The following DMRT1 variants were observed in gnomAD, a reference collection of about 807,000 sequenced individuals.
DMRT1 encodes doublesex- and mab-3-related transcription factor 1.
Under a neutral mutation model 32.3 loss-of-function variants are expected in DMRT1, and 7 were observed. The ratio of observed to expected loss-of-function variants is 0.22; its 90% confidence interval spans 0.12 to 0.41. DMRT1 has a LOEUF of 0.41. DMRT1 is among the 10% of genes least tolerant of loss of function. The probability of loss-of-function intolerance (pLI) is 1.00; values close to 1 mark genes in which losing one functional copy is unlikely to be tolerated. For missense variants in DMRT1, 625 were observed against 500.5 expected, an observed-to-expected ratio of 1.25 and a Z score of -2.37; for synonymous variants, 278 against 206.1, an observed-to-expected ratio of 1.35 and a Z score of -2.99.
intron 3 of DMRT1, among the ~76,000 whole-genome samples, chr9:902,089 T>C (rs1817604523): frequency 6.6e-6 from 1 of 151,490 alleles, no homozygotes; most frequent in African/African-American, 2.4e-5. Context: ...TTTGTATTTT[T>C]AGTCGAGATG....
intron 2 of DMRT1, among the ~76,000 whole-genome samples, chr9:852,549 C>G (rs531317322): frequency 6.6e-6 from 1 of 152,146 alleles, no homozygotes; most frequent in African/African-American, 2.4e-5. Context: ...TGACACAGTA[C>G]TTAATGCAAA....
chr9:849,829 CTTTTT>C (rs200326522), intron 2 of DMRT1, among the ~76,000 whole-genome samples: 1 of 142,088 alleles, frequency 7.0e-6, no homozygotes, highest in Non-Finnish European at 1.6e-5. Flanking sequence ...CTCTCTCTCT[CTTTTT>C]TTTTTTGAGA....
intron 2 of DMRT1, among the ~76,000 whole-genome samples, chr9:851,755 A>C (rs1001030967): frequency 6.6e-6 from 1 of 152,198 alleles, no homozygotes; most frequent in Non-Finnish European, 1.5e-5. Context: ...TAAAATCTTT[A>C]GCCAAAGATT....
rs1413279547 is a variant in DMRT1, at chr9:887,446, T to C, written c.539-6466T>C. On this transcript the variant is annotated intron_variant, in intron 2 of 4. Transcript: ENST00000382276. Reference sequence around the variant, plus strand: ...ACTCCCTTGCTCTGAAAACCTTCATTGGTTCCCTAGAGGAGAACTTGTTGG... The same window carrying C: ...ACTCCCTTGCTCTGAAAACCTTCATCGGTTCCCTAGAGGAGAACTTGTTGG... Among the ~76,000 whole-genome samples the C allele has an allele frequency of 2.6e-5, 4 of 152,198 alleles. No homozygotes were observed. The East Asian group carries it at 7.7e-4, about 29-fold the overall frequency.
At chr9:843,500 A>G (rs1417466799) in intron 1 of DMRT1, among the ~76,000 whole-genome samples, 1 of 152,214 alleles carries the variant, frequency 6.6e-6, no homozygotes, top group Non-Finnish European at 1.5e-5. Flanking sequence ...GCGCAGGTGG[A>G]AAAAAGCGCG....
chr9:878,193 A>G (rs1459065173), intron 2 of DMRT1, among the ~76,000 whole-genome samples: 2 of 106,156 alleles, frequency 1.9e-5, no homozygotes, highest in African/African-American at 8.2e-5. Context: ...CTGGAACTGC[A>G]GCTGCTGCCC....
chr9:874,195 C>G (rs920523305), intron 2 of DMRT1, among the ~76,000 whole-genome samples: 6 of 152,158 alleles, frequency 3.9e-5, no homozygotes, highest in African/African-American at 7.2e-5. Flanking sequence ...AACAATACCT[C>G]TTGAAATTTT....
chr9:912,583 C>T (rs1233106169), intron 3 of DMRT1, among the ~76,000 whole-genome samples: 1 of 152,074 alleles, frequency 6.6e-6, no homozygotes, highest in Non-Finnish European at 1.5e-5. Context: ...TTCCAGTAAG[C>T]GTTAGTTAAA....
intron 4 of DMRT1, among the ~76,000 whole-genome samples, chr9:920,420 A>T (rs1261455335): frequency 6.6e-6 from 1 of 152,162 alleles, no homozygotes; most frequent in African/African-American, 2.4e-5. Context: ...AGAGCCAAAG[A>T]GTGCTGATAT....
At chr9:864,102 T>A (rs543797250) in intron 2 of DMRT1, among the ~76,000 whole-genome samples, 2 of 152,318 alleles carry the variant, frequency 1.3e-5, no homozygotes, top group African/African-American at 4.8e-5. Context: ...GCCTGTAACT[T>A]TTCCACTTCC....
At chr9:942,479 C>A (rs1346554494) in intron 4 of DMRT1, among the ~76,000 whole-genome samples, 1 of 152,102 alleles carries the variant, frequency 6.6e-6, no homozygotes, top group Non-Finnish European at 1.5e-5. Flanking sequence ...AGCCATGTTG[C>A]CGAAGCTGGT....
intron 4 of DMRT1, among the ~76,000 whole-genome samples, chr9:961,915 C>G (rs1337979678): frequency 1.3e-5 from 2 of 152,156 alleles, no homozygotes; most frequent in Non-Finnish European, 2.9e-5. Context: ...GATGGAGAAA[C>G]TAGGGCGCAG....
chr9:951,314 C>G (rs1243581709), intron 4 of DMRT1, among the ~76,000 whole-genome samples: 1 of 152,168 alleles, frequency 6.6e-6, no homozygotes, highest in African/African-American at 2.4e-5. Flanking sequence ...GATTAGCTCA[C>G]TGGTAAATCA....
intron 2 of DMRT1, among the ~76,000 whole-genome samples, chr9:847,731 C>G (rs1025129287): frequency 2.0e-5 from 3 of 152,154 alleles, no homozygotes; most frequent in African/African-American, 7.2e-5. Flanking sequence ...TATCTGTCTC[C>G]AAAGCTCAAT....
At chr9:874,890 C>G (rs1816429302) in intron 2 of DMRT1, among the ~76,000 whole-genome samples, 1 of 147,630 alleles carries the variant, frequency 6.8e-6, no homozygotes, top group Non-Finnish European at 1.5e-5. Context: ...TCACTGCAAG[C>G]TCCACCTCCC....
intron 3 of DMRT1, among the ~76,000 whole-genome samples, chr9:916,387 G>C (rs900286491): frequency 2.0e-5 from 3 of 150,794 alleles, no homozygotes; most frequent in Non-Finnish European, 4.4e-5. Context: ...TTTTTTTTGA[G>C]ACAGGGTCTT....
chr9:847,365 C>T (rs2273932), intron 2 of DMRT1, among the ~76,000 whole-genome samples: 2 of 152,004 alleles, frequency 1.3e-5, no homozygotes, highest in African/African-American at 2.4e-5. Context: ...GGTTATTAGT[C>T]AAGACTGAGT....
At chr9:916,689 G>GA (rs1470574475) in intron 3 of DMRT1, 74 bp from the exon 4 acceptor site, 3 of 1,548,594 alleles carry the variant, frequency 1.9e-6, no homozygotes, top group Non-Finnish European at 2.7e-6. Context: ...TTGTTTTAAA[G>GA]AACTAGATAA....
intron 4 of DMRT1, among the ~76,000 whole-genome samples, chr9:954,297 G>A (rs1409484447): frequency 1.3e-5 from 2 of 152,104 alleles, no homozygotes. Context: ...AGGGTAAAGT[G>A]AAGCAGAGAG....
Sources: gnomAD v4.1 joint callset for allele counts (sites outside exome capture counted in the v4.1 genomes callset) on GRCh38, gnomAD v4.1.1 for gene constraint, MANE v1.5 for transcripts, NCBI Gene and HGNC (gene_info 2026-07-23, HGNC 2026-07-21) for gene names.